The following MAF variants were observed in gnomAD, a reference collection of about 807,000 sequenced individuals.
MAF encodes the protein transcription factor Maf.
A neutral mutation model predicts 22.0 loss-of-function variants in MAF; 10 were observed. The ratio of observed to expected loss-of-function variants is 0.45; its 90% CI spans 0.28 to 0.77. The LOEUF (loss-of-function observed/expected upper bound fraction) is 0.77, where lower values mean the gene tolerates loss of function less well. Ranked by LOEUF, MAF falls within the 30% of genes least tolerant of loss-of-function variation. The pLI is 0.12. For synonymous variants in MAF, 337 were observed against 255.8 expected (o/e 1.32, Z -3.03); for missense variants, 544 against 548.4 (o/e 0.99, Z 0.08).
At chr16:79,590,141 T>C (rs1285730823), downstream of MAF, among the ~76,000 whole-genome samples, 1 of 151,690 alleles carries the variant, frequency 6.6e-6, no homozygotes, top group African/African-American at 2.4e-5. Flanking sequence ...CCAGGGCTAT[T>C]GGGCCCCGCA....
At chr16:79,402,812 AC>A in the MAF span, among the ~76,000 whole-genome samples, 1 of 152,144 alleles carries the variant, frequency 6.6e-6, no homozygotes, top group African/African-American at 2.4e-5. Context: ...TCACTGTTGT[AC>A]CTGCCCATGC....
the MAF span, among the ~76,000 whole-genome samples, chr16:79,286,595 T>G: frequency 6.6e-6 from 1 of 152,216 alleles, no homozygotes; most frequent in African/African-American, 2.4e-5. Context: ...TCACTCACTT[T>G]TTTCAGCATA....
the MAF span, among the ~76,000 whole-genome samples, chr16:79,512,071 T>A: frequency 2.0e-5 from 3 of 152,176 alleles, no homozygotes; most frequent in Non-Finnish European, 4.4e-5. Context: ...TTTTGATTAT[T>A]CCCTGTGATG....
chr16:79,534,725 T>G, the MAF span, among the ~76,000 whole-genome samples: 1 of 152,034 alleles, frequency 6.6e-6, no homozygotes, highest in Admixed American at 6.5e-5. Context: ...ACCCTAGAAC[T>G]TAAAGTATAA....
chr16:79,253,166 C>T, the MAF span, among the ~76,000 whole-genome samples: 4 of 152,192 alleles, frequency 2.6e-5, no homozygotes, highest in African/African-American at 9.7e-5. Flanking sequence ...TTGCAAGGCA[C>T]AGCCCTGACG....
At chr16:79,467,550 G>A in the MAF span, among the ~76,000 whole-genome samples, 2 of 152,312 alleles carry the variant, frequency 1.3e-5, no homozygotes, top group South Asian at 4.1e-4. Context: ...TGTGAACCCA[G>A]GTGATTCCAG....
chr16:79,596,967 A>T, intron 1 of MAF: 1 of 1,052,032 alleles, frequency 9.5e-7, no homozygotes, highest in South Asian at 4.6e-5. Flanking sequence ...AAGAAAAAAA[A>T]ACATACATTT....
the MAF span, among the ~76,000 whole-genome samples, chr16:79,240,579 G>A: frequency 6.7e-6 from 1 of 149,118 alleles, no homozygotes; most frequent in Non-Finnish European, 1.5e-5. Flanking sequence ...ATCTCCCTGG[G>A]ACAGAGCACC....
chr16:79,244,151 G>A, the MAF span, among the ~76,000 whole-genome samples: 1 of 151,948 alleles, frequency 6.6e-6, no homozygotes, highest in Non-Finnish European at 1.5e-5. Context: ...TTTGAAAACC[G>A]GCACAAGACA....
chr16:79,288,922 G>T, the MAF span, among the ~76,000 whole-genome samples: 4 of 152,138 alleles, frequency 2.6e-5, no homozygotes, highest in Non-Finnish European at 4.4e-5. Context: ...TAGAGATGGG[G>T]TTTCACCATG....
At chr16:79,457,762 C>T in the MAF span, among the ~76,000 whole-genome samples, 3 of 152,070 alleles carry the variant, frequency 2.0e-5, no homozygotes, top group African/African-American at 4.8e-5. Context: ...GTGGGGCAGG[C>T]ACCCCAGAGT....
chr16:79,455,391 A>G, the MAF span, among the ~76,000 whole-genome samples: 1 of 152,224 alleles, frequency 6.6e-6, no homozygotes, highest in Admixed American at 6.5e-5. Flanking sequence ...TGAATAAAAA[A>G]TGAACTGAAA....
At chr16:79,298,015 AGGT>A in the MAF span, among the ~76,000 whole-genome samples, 1 of 152,254 alleles carries the variant, frequency 6.6e-6, no homozygotes. Context: ...GTAATTAGCA[AGGT>A]CCAGTGCGGA....
the MAF span, among the ~76,000 whole-genome samples, chr16:79,238,297 G>A: frequency 1.3e-5 from 2 of 152,094 alleles, no homozygotes; most frequent in African/African-American, 4.8e-5. Flanking sequence ...AGGCCACAAT[G>A]AAAGCTTTCT....
chr16:79,343,932 G>A, the MAF span, among the ~76,000 whole-genome samples: 4 of 152,188 alleles, frequency 2.6e-5, no homozygotes, highest in Non-Finnish European at 5.9e-5. Flanking sequence ...TGAAATCAAT[G>A]TGATGTTTGC....
At chr16:79,565,202 G>T in the MAF span, among the ~76,000 whole-genome samples, 1 of 152,118 alleles carries the variant, frequency 6.6e-6, no homozygotes, top group African/African-American at 2.4e-5. Context: ...CTGCAAGCTG[G>T]GTCTATGGGA....
chr16:79,395,954 C>T, the MAF span, among the ~76,000 whole-genome samples: 9 of 152,248 alleles, frequency 5.9e-5, no homozygotes, highest in South Asian at 1.0e-3. Flanking sequence ...ATGGCCCCCC[C>T]GGTGGCATTT....
the MAF span, among the ~76,000 whole-genome samples, chr16:79,240,598 G>T: frequency 6.6e-6 from 1 of 150,864 alleles, no homozygotes; most frequent in Non-Finnish European, 1.5e-5. Context: ...CCTGCGGGAA[G>T]GGGTGGCTGT....
the MAF span, among the ~76,000 whole-genome samples, chr16:79,295,468 A>G: frequency 1.3e-5 from 2 of 152,180 alleles, no homozygotes; most frequent in African/African-American, 4.8e-5. Flanking sequence ...TTATTTGAAC[A>G]TGGTTTGAAC....
Sources: allele counts gnomAD v4.1 joint callset (sites outside exome capture counted in the v4.1 genomes callset), GRCh38; gene constraint gnomAD v4.1.1; transcripts MANE v1.5; gene names NCBI Gene and HGNC (gene_info 2026-07-23, HGNC 2026-07-21).